GPR89A: variants seen among roughly 807,000 people sequenced by gnomAD.
GPR89A encodes G protein-coupled receptor 89A.
Under a neutral mutation model 52.0 loss-of-function variants are expected in GPR89A, and 16 were observed. That is an observed-to-expected ratio of 0.31 (90% CI 0.21 to 0.47). The LOEUF is 0.47. Ranked by LOEUF, GPR89A falls within the 20% of genes least tolerant of loss-of-function variation. The pLI is 1.00. For synonymous variants in GPR89A, 55 were observed against 150.9 expected, an observed-to-expected ratio of 0.36 and a Z score of 4.66; for missense variants, 135 against 449.4, an observed-to-expected ratio of 0.30 and a Z score of 6.33.
chr1:145,646,310 T>G (rs1553692548), intron 9 of GPR89A, 38 bp downstream of exon 9: 2 of 1,530,942 alleles, frequency 1.3e-6, no homozygotes, highest in East Asian at 2.3e-5. Flanking sequence ...TTTTTACCAA[T>G]ATTATTAAAG....
rs1287114846 is a variant in GPR89A at position 145,608,025 on chromosome 1, G to A, written c.-109G>A. 17 of 1,344,028 alleles carry A rather than the reference G, an allele frequency of 1.3e-5. No individual in the cohort carries two copies. The Middle Eastern group carries it at 8.2e-4, about 65-fold the overall frequency. 83.3% of individuals were successfully genotyped at this position (1,344,028 alleles called of 1,614,324 possible). A position where few individuals can be genotyped will look rare whatever the true frequency, so the allele number is the denominator to read the frequency against. On this transcript the variant is annotated 5_prime_UTR_variant, in exon 1 of 14. Coordinates refer to ENST00000313835, the MANE Select transcript of GPR89A (RefSeq NM_001097612.2). ...CGTCGGGCTGGAGAGCCGCAGTCCC[G>A]GCTGCAGCACCTGGGAGAAGGCAGA...
chr1:145,608,457 C>T (rs1199856667), intron 1 of GPR89A: 4 of 622,750 alleles, frequency 6.4e-6, no homozygotes, highest in African/African-American at 1.9e-5. Flanking sequence ...AGGCTAAGAG[C>T]CGGCGCCGCC....
intron 5 of GPR89A, among the ~76,000 whole-genome samples, chr1:145,629,103 C>G (rs1649718213): frequency 6.6e-6 from 1 of 152,024 alleles, no homozygotes; most frequent in Admixed American, 6.6e-5. Context: ...CTTTGCTTAC[C>G]CCCCTGGCAG....
At chr1:145,657,293 T>G (rs1457327681) in intron 10 of GPR89A, among the ~76,000 whole-genome samples, 2 of 148,102 alleles carry the variant, frequency 1.4e-5, no homozygotes, top group Non-Finnish European at 3.0e-5. Flanking sequence ...CAGGAGGCTA[T>G]GGTGGGAGGA....
At chr1:145,627,021 G>A (rs1291296926) in intron 5 of GPR89A, among the ~76,000 whole-genome samples, 2 of 151,982 alleles carry the variant, frequency 1.3e-5, no homozygotes, top group Non-Finnish European at 2.9e-5. Flanking sequence ...AGTACTTCTT[G>A]TGCGGTGTCT....
At chr1:145,650,400 G>C (rs1651369079) in intron 10 of GPR89A, among the ~76,000 whole-genome samples, 1 of 151,846 alleles carries the variant, frequency 6.6e-6, no homozygotes, top group Non-Finnish European at 1.5e-5. Context: ...GGGCATTTGG[G>C]TTGATTCTAT....
intron 1 of GPR89A, among the ~76,000 whole-genome samples, chr1:145,614,339 C>A (rs587756829): frequency 7.1e-4 from 108 of 152,090 alleles, no homozygotes; most frequent in African/African-American, 2.6e-3. Context: ...GTATGTATTT[C>A]TATCATTGCA....
chr1:145,668,115 T>C (rs1323073724), intron 12 of GPR89A, among the ~76,000 whole-genome samples: 4 of 152,106 alleles, frequency 2.6e-5, no homozygotes, highest in Admixed American at 1.3e-4. Flanking sequence ...AAGAAAGTCA[T>C]TGGTAGCTTG....
intron 10 of GPR89A, among the ~76,000 whole-genome samples, chr1:145,651,472 T>G (rs1162390616): frequency 6.7e-6 from 1 of 149,956 alleles, no homozygotes; most frequent in Non-Finnish European, 1.5e-5. Flanking sequence ...TCTTGACTTG[T>G]ACGGGCTCTT....
chr1:145,638,531 T>A (rs1251154961), intron 7 of GPR89A, among the ~76,000 whole-genome samples: 16 of 146,200 alleles, frequency 1.1e-4, no homozygotes, highest in African/African-American at 3.3e-4. Context: ...AATATTTTTT[T>A]AAAAAAATAT....
chr1:145,659,217 C>A (rs1652019348), intron 10 of GPR89A, among the ~76,000 whole-genome samples: 1 of 151,970 alleles, frequency 6.6e-6, no homozygotes, highest in Admixed American at 6.6e-5. Context: ...TGGAGTCTAG[C>A]TCTGTCGCCC....
In GPR89A at chr1:145,652,954, G is replaced by C. The variant is rs1211063840; in HGVS notation, c.909+5687G>C. Among the ~76,000 whole-genome samples the C allele has an allele frequency of 4.8e-5, 5 of 104,264 alleles. 2 individuals are homozygous for C. The highest frequency in any genetic ancestry group is 3.1e-4 in the African/African-American group (5 of 16,326). 68.4% of individuals were successfully genotyped at this position (104,264 alleles called of 152,430 possible). The stretch of plus-strand genomic sequence containing the variant: ...CCTGGATTCGTTGATTTTTTTGAAG[G>C]GTTTTTCGTGCTCTATCTCCTGCAG... On this transcript the variant is annotated intron_variant, in intron 10 of 13. Transcript: ENST00000313835.
intron 4 of GPR89A, 131 bp from the exon 5 acceptor site, chr1:145,623,482 T>G (rs1488942988): frequency 9.2e-6 from 6 of 651,854 alleles, no homozygotes; most frequent in Non-Finnish European, 1.1e-5. Context: ...CTAAAAATTA[T>G]GCTGTTCATC....
intron 10 of GPR89A, among the ~76,000 whole-genome samples, chr1:145,655,408 G>T (rs1553694343): frequency 6.6e-6 from 1 of 151,304 alleles, no homozygotes; most frequent in Non-Finnish European, 1.5e-5. Context: ...CACCGTTTTT[G>T]TGTTGATTCT....
At chr1:145,628,781 G>A (rs1194493594) in intron 5 of GPR89A, among the ~76,000 whole-genome samples, 3 of 152,210 alleles carry the variant, frequency 2.0e-5, no homozygotes, top group African/African-American at 7.2e-5. Context: ...CTGGATTGCA[G>A]TCAGTTAAGG....
At chr1:145,635,983 C>G (rs1259741690) in intron 7 of GPR89A, among the ~76,000 whole-genome samples, 4 of 151,978 alleles carry the variant, frequency 2.6e-5, no homozygotes, top group Non-Finnish European at 5.9e-5. Flanking sequence ...GAAGTCATGA[C>G]CCTTGTCAAG....
In GPR89A at chr1:145,664,504, G is replaced by A. The variant is rs587701225; in HGVS notation, c.1006-1058G>A. On this transcript the variant is annotated intron_variant, in intron 11 of 13. Coordinates refer to ENST00000313835, the MANE Select transcript of GPR89A (RefSeq NM_001097612.2). ...GTCTCTAGAAAAAATATAAAAATTA[G>A]CTGGACATGGTGGCATGCACCTGTA... Among the ~76,000 whole-genome samples, 727 of 150,332 alleles carry A rather than the reference G, an allele frequency of 4.8e-3. 7 individuals are homozygous for A. The highest frequency in any genetic ancestry group is 0.017 in the African/African-American group (686 of 40,868).
intron 1 of GPR89A, among the ~76,000 whole-genome samples, chr1:145,615,044 A>G (rs1303052941): frequency 6.6e-6 from 1 of 152,232 alleles, no homozygotes; most frequent in Admixed American, 6.5e-5. Context: ...TTTAAGAAGA[A>G]AAGAGTAGTT....
At chr1:145,626,350 G>A (rs1470213473) in intron 5 of GPR89A, among the ~76,000 whole-genome samples, 1 of 151,926 alleles carries the variant, frequency 6.6e-6, no homozygotes, top group Admixed American at 6.6e-5. Flanking sequence ...GGAAGATGAA[G>A]GCCATTGTAT....
Sources: allele counts gnomAD v4.1 joint callset (sites outside exome capture counted in the v4.1 genomes callset), GRCh38; gene constraint gnomAD v4.1.1; transcripts MANE v1.5; gene names NCBI Gene and HGNC (gene_info 2026-07-23, HGNC 2026-07-21).